MTREX: variants seen among roughly 807,000 people sequenced by gnomAD.
The protein encoded by MTREX is exosome RNA helicase MTR4.
Under a neutral mutation model 135.4 loss-of-function variants are expected in MTREX, and 76 were observed. That is an observed-to-expected ratio of 0.56 (90% CI 0.47 to 0.68). The LOEUF (loss-of-function observed/expected upper bound fraction) is 0.68. Ranked by LOEUF, MTREX falls within the 30% of genes least tolerant of loss-of-function variation. MTREX has a pLI of 0.00. For synonymous variants in MTREX, 404 were observed against 401.6 expected (o/e 1.01, Z -0.07); for missense variants, 920 against 1,262.1 (o/e 0.73, Z 4.11).
At chr5:55,381,388 T>C (rs1750394585) in intron 18 of MTREX, among the ~76,000 whole-genome samples, 3 of 152,204 alleles carry the variant, frequency 2.0e-5, no homozygotes, top group Admixed American at 6.5e-5. Context: ...TTTACAATTA[T>C]AGAGGTTTTA....
intron 18 of MTREX, among the ~76,000 whole-genome samples, chr5:55,381,811 G>A (rs946349449): frequency 2.5e-4 from 38 of 152,270 alleles, no homozygotes; most frequent in African/African-American, 9.1e-4. Context: ...AGACCATTCT[G>A]TCTGGTTGGT....
intron 5 of MTREX, among the ~76,000 whole-genome samples, chr5:55,339,674 A>G (rs1005777762): frequency 6.6e-6 from 1 of 152,224 alleles, no homozygotes; most frequent in African/African-American, 2.4e-5. Flanking sequence ...GATCATCTGT[A>G]TATGTGTGAA....
At chr5:55,315,003 T>C (rs78251470) in intron 1 of MTREX, among the ~76,000 whole-genome samples, 3 of 152,190 alleles carry the variant, frequency 2.0e-5, no homozygotes, top group Non-Finnish European at 4.4e-5. Context: ...CCTGGTTTCC[T>C]AACAGGCCAT....
intron 1 of MTREX, among the ~76,000 whole-genome samples, chr5:55,308,423 G>A (rs568707225): frequency 6.6e-6 from 1 of 152,146 alleles, no homozygotes; most frequent in African/African-American, 2.4e-5. Flanking sequence ...GTTGTCTCCT[G>A]CATCAGCACA....
intron 18 of MTREX, among the ~76,000 whole-genome samples, chr5:55,382,958 T>C (rs1750419353): frequency 6.6e-6 from 1 of 152,196 alleles, no homozygotes; most frequent in South Asian, 2.1e-4. Flanking sequence ...TTAAAGCTTA[T>C]AGAAGAAAGG....
chr5:55,342,163 G>A (rs1278312319), intron 7 of MTREX, among the ~76,000 whole-genome samples: 2 of 152,138 alleles, frequency 1.3e-5, no homozygotes, highest in Non-Finnish European at 2.9e-5. Flanking sequence ...TCCCACCTTG[G>A]CCTCCCAAAG....
chr5:55,320,623 G>A (rs1234437519), intron 1 of MTREX, among the ~76,000 whole-genome samples: 2 of 149,326 alleles, frequency 1.3e-5, no homozygotes, highest in African/African-American at 5.0e-5. Context: ...CAAAAAAATA[G>A]AATATTACAA....
rs759540168 is a variant in MTREX, at chr5:55,397,416, G to A, written c.2182G>A (p.Val728Ile). ...AKPDEKGEMQ[V>I]VPVLVHLLSA... ...ATACTGTATAACTTTTTGGTCATAGGTTGTCCCAGTTTTGGTGCATCTCCT... is the reference window on the plus strand; with the variant it reads ...ATACTGTATAACTTTTTGGTCATAGATTGTCCCAGTTTTGGTGCATCTCCT... Residue 728 changes from valine to isoleucine, a missense_variant and splice_region_variant, in exon 20 of 27, where the codon GTT becomes ATT. Coordinates refer to ENST00000230640, the MANE Select transcript of MTREX (RefSeq NM_015360.5). 9 of 1,603,890 alleles carry A rather than the reference G, an allele frequency of 5.6e-6. No homozygotes were observed. Among genetic ancestry groups the A allele is most frequent in the Non-Finnish European group, 7.7e-6 (9 of 1,173,354 alleles).
intron 13 of MTREX, 110 bp from the exon 14 acceptor site, chr5:55,353,058 G>C: frequency 1.8e-6 from 1 of 550,766 alleles, no homozygotes. Context: ...TATTTTTGTA[G>C]GATCTCATTA....
intron 3 of MTREX, among the ~76,000 whole-genome samples, chr5:55,324,890 A>G (rs1441679325): frequency 6.6e-6 from 1 of 152,214 alleles, no homozygotes; most frequent in Non-Finnish European, 1.5e-5. Flanking sequence ...AGCACAGAGT[A>G]GGTGTTTAGA....
intron 20 of MTREX, among the ~76,000 whole-genome samples, chr5:55,398,169 TC>T (rs1238726421): frequency 6.6e-6 from 1 of 152,044 alleles, no homozygotes; most frequent in African/African-American, 2.4e-5. Flanking sequence ...TCCCAGGAGT[TC>T]CAGGCTCTAC....
At chr5:55,410,705 C>A in intron 23 of MTREX, 76 bp downstream of exon 23, 1 of 749,352 alleles carries the variant, frequency 1.3e-6, no homozygotes, top group Non-Finnish European at 2.1e-6. Flanking sequence ...GCTATATTAT[C>A]AAATATTACT....
intron 1 of MTREX, among the ~76,000 whole-genome samples, chr5:55,315,560 C>T (rs1323205301): frequency 6.6e-6 from 1 of 151,876 alleles, no homozygotes; most frequent in African/African-American, 2.4e-5. Flanking sequence ...ACAACAAAAA[C>T]CCATATTCCA....
At position 55,424,846 on chromosome 5, in the gene MTREX, A is replaced by G; in HGVS notation, c.*74A>G. On this transcript the variant is annotated 3_prime_UTR_variant, in exon 27 of 27. Coordinates refer to ENST00000230640, the MANE Select transcript of MTREX (RefSeq NM_015360.5). ...TTACAGTTGACTACAAATGCCTGCAAGTGTGGATTTGGTTCTCCCATACAT... is the reference window on the plus strand; with the variant it reads ...TTACAGTTGACTACAAATGCCTGCAGGTGTGGATTTGGTTCTCCCATACAT... 1 of 1,077,182 alleles carries G rather than the reference A, an allele frequency of 9.3e-7. No homozygotes were observed. The highest frequency in any genetic ancestry group is 1.4e-6 in the Non-Finnish European group (1 of 701,558). The allele number at this position is 1,077,182 out of a possible 1,614,324, so 66.7% of individuals were successfully genotyped here.
At chr5:55,336,205 T>C (rs553985909) in intron 5 of MTREX, among the ~76,000 whole-genome samples, 1 of 152,324 alleles carries the variant, frequency 6.6e-6, no homozygotes, top group South Asian at 2.1e-4. Context: ...ATGGTTTTAC[T>C]TCCTTTTCAA....
intron 16 of MTREX, among the ~76,000 whole-genome samples, chr5:55,377,378 T>C (rs886732350): frequency 6.6e-6 from 1 of 152,090 alleles, no homozygotes; most frequent in Non-Finnish European, 1.5e-5. Flanking sequence ...AATTACACAT[T>C]TTAAAAATCC....
At chr5:55,387,900 C>T (rs1246612814) in intron 18 of MTREX, 74 bp from the exon 19 acceptor site, 3 of 1,428,784 alleles carry the variant, frequency 2.1e-6, no homozygotes, top group African/African-American at 2.8e-5. Flanking sequence ...AAAATAGTTC[C>T]TATACAGATG....
intron 6 of MTREX, 130 bp downstream of exon 6, chr5:55,340,314 C>A: frequency 2.0e-6 from 1 of 497,572 alleles, no homozygotes; most frequent in Non-Finnish European, 3.3e-6. Context: ...TCTGATTAGA[C>A]TTAGGCAAAA....
intron 22 of MTREX, among the ~76,000 whole-genome samples, chr5:55,408,584 C>CA (rs1750840900): frequency 6.6e-6 from 1 of 151,926 alleles, no homozygotes. Context: ...AAAGACTTTG[C>CA]AAAAAATAAA....
Sources: gnomAD v4.1 joint callset for allele counts (sites outside exome capture counted in the v4.1 genomes callset) on GRCh38, gnomAD v4.1.1 for gene constraint, MANE v1.5 for transcripts, NCBI Gene and HGNC (gene_info 2026-07-23, HGNC 2026-07-21) for gene names.